Variants in RANBP2 observed in about 807,000 individuals in gnomAD.
The protein encoded by RANBP2 is RAN binding protein 2, also known as E3 SUMO-protein ligase RanBP2.
In RANBP2, 57 loss-of-function variants were observed where a neutral mutation model predicts 303.6. That is an observed-to-expected ratio of 0.19 (90% CI 0.15 to 0.23). The LOEUF (loss-of-function observed/expected upper bound fraction) is 0.23, where lower values mean the gene tolerates loss of function less well. RANBP2 is among the 10% of genes least tolerant of loss of function. RANBP2 has a pLI of 1.00. For synonymous variants in RANBP2, 1,167 were observed against 1,301.5 expected (o/e 0.90, Z 2.23); for missense variants, 3,138 against 3,780.8 (o/e 0.83, Z 4.46).
the RANBP2 span, among the ~76,000 whole-genome samples, chr2:109,329,458 T>C: frequency 6.6e-6 from 1 of 152,216 alleles, no homozygotes; most frequent in African/African-American, 2.4e-5. Context: ...TTCAAATGGT[T>C]CCAGAGGCCA....
the RANBP2 span, among the ~76,000 whole-genome samples, chr2:109,060,889 G>C: frequency 6.6e-6 from 1 of 152,186 alleles, no homozygotes; most frequent in Admixed American, 6.5e-5. Flanking sequence ...TAATTTACAT[G>C]CTTATTATAG....
At chr2:108,754,484 A>T (rs1298610585) in intron 15 of RANBP2, among the ~76,000 whole-genome samples, 1 of 150,086 alleles carries the variant, frequency 6.7e-6, no homozygotes, top group Admixed American at 6.6e-5. Context: ...ATTAGGATTT[A>T]TGTTGTCTGG....
the RANBP2 span, among the ~76,000 whole-genome samples, chr2:108,919,095 G>C: frequency 6.6e-6 from 1 of 152,186 alleles, no homozygotes; most frequent in Admixed American, 6.5e-5. Flanking sequence ...TCAGGTCTGA[G>C]AGGCTCTGAG....
At chr2:109,058,815 A>G in the RANBP2 span, among the ~76,000 whole-genome samples, 1 of 152,158 alleles carries the variant, frequency 6.6e-6, no homozygotes, top group Non-Finnish European at 1.5e-5. Flanking sequence ...GGGAGCTAGA[A>G]GGGGAACCCC....
At chr2:109,284,438 GGC>G in the RANBP2 span, among the ~76,000 whole-genome samples, 2 of 152,178 alleles carry the variant, frequency 1.3e-5, no homozygotes. Flanking sequence ...GCTGGTCTAG[GGC>G]GTGTGGACTG....
At chr2:109,498,172 C>G in the RANBP2 span, among the ~76,000 whole-genome samples, 1 of 152,188 alleles carries the variant, frequency 6.6e-6, no homozygotes, top group Admixed American at 6.5e-5. Flanking sequence ...CCTGCATGTC[C>G]CTGAGAGCAG....
chr2:109,070,332 C>T, the RANBP2 span, among the ~76,000 whole-genome samples: 1 of 152,178 alleles, frequency 6.6e-6, no homozygotes, highest in Non-Finnish European at 1.5e-5. Flanking sequence ...CACTGATTTA[C>T]CTTATGAAAA....
At chr2:109,211,373 A>G in the RANBP2 span, among the ~76,000 whole-genome samples, 3 of 152,260 alleles carry the variant, frequency 2.0e-5, no homozygotes, top group Admixed American at 6.5e-5. Context: ...TGAAATTCAC[A>G]GAAGATGCTA....
chr2:108,863,294 C>CTT, the RANBP2 span, among the ~76,000 whole-genome samples: 1 of 152,198 alleles, frequency 6.6e-6, no homozygotes, highest in Non-Finnish European at 1.5e-5. Flanking sequence ...ACATACATAT[C>CTT]ATCTGTTTTC....
At chr2:109,184,089 C>T in the RANBP2 span, among the ~76,000 whole-genome samples, 1 of 152,154 alleles carries the variant, frequency 6.6e-6, no homozygotes, top group Non-Finnish European at 1.5e-5. Context: ...GGTGTTGAGC[C>T]CATGTGGTGG....
chr2:109,107,916 A>T, the RANBP2 span, among the ~76,000 whole-genome samples: 1 of 133,336 alleles, frequency 7.5e-6, no homozygotes, highest in African/African-American at 2.9e-5. Flanking sequence ...TTGTATATAT[A>T]TTTTTTTGAG....
chr2:109,203,799 C>G, the RANBP2 span, among the ~76,000 whole-genome samples: 3 of 147,010 alleles, frequency 2.0e-5, no homozygotes, highest in Admixed American at 2.1e-4. Flanking sequence ...TGCCCTTTGT[C>G]TCATGCACGC....
At chr2:109,701,335 C>T in the RANBP2 span, among the ~76,000 whole-genome samples, 2 of 152,152 alleles carry the variant, frequency 1.3e-5, no homozygotes, top group South Asian at 2.1e-4. Context: ...GGGTTGGGGA[C>T]GTGCCTGTGA....
the RANBP2 span, among the ~76,000 whole-genome samples, chr2:108,934,739 G>A: frequency 2.0e-5 from 3 of 152,128 alleles, no homozygotes; most frequent in Admixed American, 6.5e-5. Context: ...ACCCACTCCC[G>A]CGATGATGAC....
chr2:108,719,499 G>A lies in RANBP2; in HGVS notation c.-108G>A, dbSNP rs1337270540. ...AGTTCGTCACAGTGGTCCTCCGCCG[G>A]CTACGGCGCTGCGTCACTGGTTTGC... On this transcript the variant is annotated 5_prime_UTR_variant, in exon 1 of 29. Transcript: ENST00000283195. 2.6e-6 allele frequency: 4 copies of A among 1,520,334 alleles called. No homozygotes were observed. Among genetic ancestry groups the A allele is most frequent in the Middle Eastern group, 2.3e-4 (1 of 4,314 alleles). 94.2% of individuals were successfully genotyped at this position (1,520,334 alleles called of 1,614,324 possible).
chr2:109,409,362 G>T, the RANBP2 span, among the ~76,000 whole-genome samples: 1 of 152,194 alleles, frequency 6.6e-6, no homozygotes, highest in Admixed American at 6.5e-5. Context: ...CTGCCGCAGT[G>T]ACTCAGCTCC....
the RANBP2 span, chr2:108,816,106 G>A: frequency 6.3e-7 from 1 of 1,596,996 alleles, no homozygotes; most frequent in African/African-American, 1.4e-5. Flanking sequence ...GTGTGTAAAG[G>A]TTTGTTTTTT....
the RANBP2 span, among the ~76,000 whole-genome samples, chr2:109,591,212 T>C: frequency 6.6e-6 from 1 of 152,226 alleles, no homozygotes; most frequent in Non-Finnish European, 1.5e-5. Flanking sequence ...TGGTAAGAAC[T>C]TCATAACTTG....
the RANBP2 span, among the ~76,000 whole-genome samples, chr2:109,218,133 TCC>T: frequency 1.4e-5 from 2 of 144,562 alleles, no homozygotes. Context: ...AAAACCATTG[TCC>T]TCTCCTTTTC....
Sources: allele counts gnomAD v4.1 joint callset (sites outside exome capture counted in the v4.1 genomes callset), GRCh38; gene constraint gnomAD v4.1.1; transcripts MANE v1.5; gene names NCBI Gene and HGNC (gene_info 2026-07-23, HGNC 2026-07-21).